Variants in ANO10 observed in about 807,000 individuals in gnomAD.
ANO10 encodes the protein anoctamin 10.
In ANO10, 77 loss-of-function variants were observed where a neutral mutation model predicts 74.7. That is an observed-to-expected ratio of 1.03 (90% CI 0.86 to 1.25). The LOEUF is 1.25. ANO10 is among the 50% of genes most tolerant of loss of function. The pLI is 0.00. For synonymous variants in ANO10, 279 were observed against 284.9 expected, an observed-to-expected ratio of 0.98 and a Z score of 0.21; for missense variants, 721 against 778.1, an observed-to-expected ratio of 0.93 and a Z score of 0.87.
intron 1 of ANO10, chr3:43,636,459 G>C (rs1349560944): frequency 6.6e-6 from 1 of 152,278 alleles, no homozygotes; most frequent in Non-Finnish European, 1.5e-5. Context: ...GGCAGCATCT[G>C]CTACAAAGGT....
rs528038760 is a variant in ANO10 at position 43,444,611 on chromosome 3, C to T, written c.1798-11884G>A. Reference sequence around the variant, plus strand: ...GAATTTAAGTCACAATAGAGAAATACACACTTGTAAACCTTAAACTGTTAG... The same window carrying T: ...GAATTTAAGTCACAATAGAGAAATATACACTTGTAAACCTTAAACTGTTAG... On this transcript the variant is annotated intron_variant, in intron 11 of 12. Transcript: ENST00000292246. Among the ~76,000 whole-genome samples the T allele has an allele frequency of 2.0e-5, 3 of 152,248 alleles. No individual in the cohort carries two copies. The South Asian group carries it at 6.2e-4, about 32-fold the overall frequency.
At chr3:43,569,640 T>A (rs1440957063) in intron 7 of ANO10, among the ~76,000 whole-genome samples, 3 of 143,976 alleles carry the variant, frequency 2.1e-5, no homozygotes, top group Non-Finnish European at 3.0e-5. Context: ...TCAACAAACC[T>A]TCATGCTAAA....
At chr3:43,512,825 C>T (rs1403072060) in intron 11 of ANO10, among the ~76,000 whole-genome samples, 10 of 152,130 alleles carry the variant, frequency 6.6e-5, no homozygotes, top group African/African-American at 2.4e-4. Flanking sequence ...ATAACACTTT[C>T]AAGACACTGG....
At chr3:43,427,463 T>C (rs1349522595) in intron 12 of ANO10, among the ~76,000 whole-genome samples, 1 of 152,206 alleles carries the variant, frequency 6.6e-6, no homozygotes, top group African/African-American at 2.4e-5. Context: ...TTCTCAATCA[T>C]ATTTTGCCCA....
chr3:43,522,895 C>T (rs1452561841), intron 11 of ANO10, among the ~76,000 whole-genome samples: 6 of 152,108 alleles, frequency 3.9e-5, no homozygotes, highest in Non-Finnish European at 8.8e-5. Context: ...TCTTGGGGTC[C>T]AAAAGCTTAC....
At chr3:43,556,167 T>G (rs1411408589) in intron 9 of ANO10, among the ~76,000 whole-genome samples, 6 of 152,194 alleles carry the variant, frequency 3.9e-5, no homozygotes, top group Non-Finnish European at 8.8e-5. Context: ...AATCTCTTTC[T>G]CTGAAGGATG....
chr3:43,533,410 C>T (rs904850876), intron 11 of ANO10, among the ~76,000 whole-genome samples: 1 of 152,096 alleles, frequency 6.6e-6, no homozygotes, highest in Admixed American at 6.6e-5. Flanking sequence ...ATTAAAAAAA[C>T]ACTCGAAAGC....
At chr3:43,482,051 C>G (rs1367210551) in intron 11 of ANO10, among the ~76,000 whole-genome samples, 1 of 151,380 alleles carries the variant, frequency 6.6e-6, no homozygotes, top group Non-Finnish European at 1.5e-5. Flanking sequence ...GCCTCAGCCT[C>G]CCGAGTAGCT....
intron 6 of ANO10, among the ~76,000 whole-genome samples, chr3:43,576,229 C>G (rs1322796844): frequency 6.6e-6 from 1 of 151,792 alleles, no homozygotes; most frequent in Non-Finnish European, 1.5e-5. Context: ...TTTCTTTCTT[C>G]TGTGGCTCTA....
chr3:43,485,773 A>AT (rs2076457902), intron 11 of ANO10: 1 of 236,282 alleles, frequency 4.2e-6, no homozygotes, highest in Non-Finnish European at 8.5e-6. Context: ...TTGACAAATG[A>AT]TTAGGCGCAA....
chr3:43,441,369 A>G (rs2093157238), intron 11 of ANO10, among the ~76,000 whole-genome samples: 1 of 152,092 alleles, frequency 6.6e-6, no homozygotes, highest in Non-Finnish European at 1.5e-5. Flanking sequence ...CAGAAATAAA[A>G]TAGACTACTA....
chr3:43,565,988 C>T (rs931879970), intron 7 of ANO10, among the ~76,000 whole-genome samples: 19 of 152,208 alleles, frequency 1.2e-4, no homozygotes, highest in East Asian at 5.8e-4. Flanking sequence ...GCACCGTGTG[C>T]GAGCCGAAGC....
chr3:43,661,810 G>A (rs1189923987), intron 1 of ANO10, among the ~76,000 whole-genome samples: 1 of 152,162 alleles, frequency 6.6e-6, no homozygotes, highest in African/African-American at 2.4e-5. Context: ...AGACAAAGAA[G>A]GCCATTACAT....
intron 1 of ANO10, among the ~76,000 whole-genome samples, chr3:43,614,809 A>G (rs969116961): frequency 1.4e-5 from 2 of 142,464 alleles, no homozygotes; most frequent in Non-Finnish European, 3.1e-5. Context: ...ATATAGGTTC[A>G]TTACAGTTTT....
At chr3:43,451,188 A>G (rs1452904184) in intron 11 of ANO10, among the ~76,000 whole-genome samples, 1 of 152,198 alleles carries the variant, frequency 6.6e-6, no homozygotes, top group East Asian at 1.9e-4. Context: ...ATGCTGGGAC[A>G]TGCTGCCGAG....
chr3:43,416,055 A>C (rs1010371382), intron 12 of ANO10, among the ~76,000 whole-genome samples: 1 of 151,790 alleles, frequency 6.6e-6, no homozygotes, highest in Admixed American at 6.6e-5. Flanking sequence ...GATTTATTCT[A>C]TCTCTAATCA....
At chr3:43,466,111 C>T (rs892342056) in intron 11 of ANO10, among the ~76,000 whole-genome samples, 1 of 152,018 alleles carries the variant, frequency 6.6e-6, no homozygotes, top group Non-Finnish European at 1.5e-5. Context: ...GTAGCTCATG[C>T]CTGAAATCCC....
At chr3:43,396,933 G>GC (rs1553646234) in intron 12 of ANO10, among the ~76,000 whole-genome samples, 1 of 144,556 alleles carries the variant, frequency 6.9e-6, no homozygotes, top group Non-Finnish European at 1.5e-5. Flanking sequence ...AGGCATTGTA[G>GC]TTTTTTTTTT....
At position 43,648,920 on chromosome 3, in the gene ANO10, G is replaced by A. The variant is rs574283393; in HGVS notation, c.-12+42597C>T. Among the ~76,000 whole-genome samples the A allele has an allele frequency of 2.8e-4, 42 of 152,092 alleles. No individual in the cohort carries two copies. The East Asian group carries it at 5.2e-3, about 19-fold the overall frequency. ...TCTCCATCTCCTGACCTCGTGATCC[G>A]CCCATCTTGGCCTCCCAAAGTGCTG... On this transcript the variant is annotated intron_variant, in intron 1 of 3. Coordinates refer to the ANO10 transcript ENST00000413397.
Sources: allele counts gnomAD v4.1 joint callset (sites outside exome capture counted in the v4.1 genomes callset), GRCh38; gene constraint gnomAD v4.1.1; transcripts MANE v1.5; gene names NCBI Gene and HGNC (gene_info 2026-07-23, HGNC 2026-07-21).